ARHGEF1: variants seen among roughly 807,000 people sequenced by gnomAD.
The protein encoded by ARHGEF1 is 115 kDa guanine nucleotide exchange factor.
Under a neutral mutation model 119.7 loss-of-function variants are expected in ARHGEF1, and 40 were observed. The observed-to-expected ratio is 0.33, with a 90% CI of 0.26 to 0.44. The LOEUF is 0.44. Among genes scored for constraint, ARHGEF1 ranks in the 20% least tolerant of loss-of-function variants. The pLI, the probability that ARHGEF1 is intolerant of heterozygous loss-of-function variation, is 1.00. For missense variants in ARHGEF1, 976 were observed against 1,268.3 expected (o/e 0.77, Z 3.50); for synonymous variants, 494 against 521.0 (o/e 0.95, Z 0.71).
In ARHGEF1 at chr19:41,892,300, T is replaced by G; in HGVS notation, c.325-31T>G. On this transcript the variant is annotated intron_variant, in intron 5 of 28. Transcript: ENST00000354532. This position sits in a 1 kb window ranked among gnomAD's most constrained non-coding sequence, Gnocchi z 6.3. ...GCCTGCATCTCAGCACACCAAGTCC[T>G]CCTCTTCACCCCATTCTCTCTCTTG... The G allele has an allele frequency of 6.2e-7, 1 of 1,613,240 alleles. No homozygotes were observed. Among genetic ancestry groups the G allele is most frequent in the African/African-American group, 1.3e-5 (1 of 75,024 alleles).
At chr19:41,886,858 C>T (rs533637278) in intron 1 of ARHGEF1, among the ~76,000 whole-genome samples, 32 of 152,152 alleles carry the variant, frequency 2.1e-4, no homozygotes, top group Non-Finnish European at 4.0e-4. Context: ...TGTGGGGAGC[C>T]CCGCCGCTGG....
In ARHGEF1 at chr19:41,896,811, CTCCTCTCTCACCTCCCCCA is replaced by C. The variant is rs1183106707; in HGVS notation, c.1121+348_1121+366del. On this transcript the variant is annotated intron_variant, in intron 13 of 28. Transcript: ENST00000354532. ...TTCCCCCTCCTCTCTCACCTCCCCT[CTCCTCTCTCACCTCCCCCA>C]TCCTCTCTCACCTCCCCCCTCCTCT... The C allele has an allele frequency of 2.4e-3, 990 of 414,476 alleles. 35 individuals carry two copies. The highest frequency in any genetic ancestry group is 0.017 in the African/African-American group (538 of 32,436). 25.7% of individuals were successfully genotyped at this position (414,476 alleles called of 1,614,324 possible). A position where few individuals can be genotyped will look rare whatever the true frequency, so the allele number is the denominator to read the frequency against.
Position 41,893,375 on chromosome 19 carries a change from G to A in ARHGEF1, c.644+72G>A, listed in dbSNP as rs563479436. The A allele has an allele frequency of 2.9e-5, 38 of 1,332,904 alleles. No individual in the cohort carries two copies. In the Admixed American group the frequency reaches 6.6e-4, roughly 23 times the overall value. 82.6% of individuals were successfully genotyped at this position (1,332,904 alleles called of 1,614,324 possible). On this transcript the variant is annotated intron_variant, in intron 8 of 28. Coordinates refer to ENST00000354532, the MANE Select transcript of ARHGEF1 (RefSeq NM_004706.4). ...AGGGGGCTGAGGGCCTGGACTCCTG[G>A]GTCTGAGGGAGGAGGAGGCTGGGGG...
chr19:41,897,960 T>C, intron 13 of ARHGEF1: 4 of 1,314,370 alleles, frequency 3.0e-6, no homozygotes, highest in Non-Finnish European at 3.9e-6. Flanking sequence ...TCAGGGCGTC[T>C]GGGGCGCTCA....
chr19:41,908,488 C>G, downstream of ARHGEF1: 1 of 1,231,628 alleles, frequency 8.1e-7, no homozygotes, highest in Non-Finnish European at 1.0e-6. This position sits in a 1 kb window ranked among gnomAD's most constrained non-coding sequence, Gnocchi z 6.7. Context: ...GGGCCTCCCC[C>G]TGCCCCTGAC....
rs1251509117 is a variant in ARHGEF1, at chr19:41,905,418, T to G, written c.2336+157T>G. 8.9e-6 allele frequency: 6 copies of G among 674,180 alleles called. No homozygotes were observed. Among genetic ancestry groups the G allele is most frequent in the Non-Finnish European group, 1.0e-5 (4 of 400,724 alleles). The allele number at this position is 674,180 out of a possible 1,614,324, so 41.8% of individuals were successfully genotyped here. ...GTGTGTCTGTACGCAAGTATGTGAC[T>G]GTGCGTGCATATATAGTGTGTGTAT... On this transcript the variant is annotated intron_variant, in intron 24 of 28. Transcript: ENST00000354532. The surrounding 1 kb of genome is among the most constrained non-coding windows in gnomAD (Gnocchi z 6.4).
intron 14 of ARHGEF1, among the ~76,000 whole-genome samples, chr19:41,901,139 TTTTA>T (rs1184699395): frequency 2.0e-5 from 3 of 151,374 alleles, no homozygotes; most frequent in Admixed American, 6.6e-5. Flanking sequence ...GAGTTTTTTT[TTTTA>T]TTTGTTTGTT....
chr19:41,909,622 A>C (rs564907702), downstream of ARHGEF1, among the ~76,000 whole-genome samples: 1 of 152,290 alleles, frequency 6.6e-6, no homozygotes, highest in East Asian at 1.9e-4. The surrounding 1 kb of genome is among the most constrained non-coding windows in gnomAD (Gnocchi z 5.2). Context: ...AATAGGGATC[A>C]CAGGGCAAGG....
rs2074397544 is a variant in ARHGEF1 at position 41,892,748 on chromosome 19, G to A, written c.513G>A (p.Glu171=). The A allele has an allele frequency of 6.2e-7, 1 of 1,609,956 alleles. No individual in the cohort carries two copies. The highest frequency in any genetic ancestry group is 1.7e-4 in the Middle Eastern group (1 of 6,042). The change falls in exon 7 of 29, where the codon GAG becomes GAA. Residue 171 remains glutamate (E), a synonymous_variant. Transcript: ENST00000354532. The surrounding 1 kb of genome is among the most constrained non-coding windows in gnomAD (Gnocchi z 6.3). The part of the protein sequence containing the change: ...RLMGMTPWEQ[E]LAQLEAWVGR... Reference sequence around the variant, plus strand: ...TGGGCATGACGCCCTGGGAGCAGGAGCTGGCCCAGCTGGAGGCTTGGGTTG... The same window carrying A: ...TGGGCATGACGCCCTGGGAGCAGGAACTGGCCCAGCTGGAGGCTTGGGTTG...
intron 18 of ARHGEF1, among the ~76,000 whole-genome samples, chr19:41,915,330 C>A (rs536027755): frequency 5.9e-5 from 9 of 151,714 alleles, no homozygotes; most frequent in African/African-American, 2.2e-4. Flanking sequence ...GCCCAGCCTT[C>A]GTCCTGTGTC....
rs2074345888 is a variant in ARHGEF1, at chr19:41,889,663, C to G, written c.225+798C>G. On this transcript the variant is annotated intron_variant, in intron 4 of 28. Coordinates refer to ENST00000354532, the MANE Select transcript of ARHGEF1 (RefSeq NM_004706.4). The surrounding 1 kb of genome is among the most constrained non-coding windows in gnomAD (Gnocchi z 4.0). ...ATGCATAGTGGACCCCTCCAGAAAA[C>G]AAGGAAACCGATAGAGTGGGGAGAA... 1 of 152,290 alleles carries G rather than the reference C, an allele frequency of 6.6e-6. No homozygotes were observed. Among genetic ancestry groups the G allele is most frequent in the South Asian group, 2.1e-4 (1 of 4,830 alleles). The allele number at this position is 152,290 out of a possible 1,614,324, so 9.4% of individuals were successfully genotyped here.
At chr19:41,927,491 C>T (rs1277860126) in intron 1 of ARHGEF1, among the ~76,000 whole-genome samples, 1 of 152,120 alleles carries the variant, frequency 6.6e-6, no homozygotes, top group African/African-American at 2.4e-5. Context: ...TGCTGATCCC[C>T]AGTCCCAGAT....
chr19:41,892,754 C>A lies in ARHGEF1; in HGVS notation c.519C>A (p.Ala173=). 1 of 1,609,422 alleles carries A rather than the reference C, an allele frequency of 6.2e-7. No individual in the cohort carries two copies. Residue 173 remains alanine (A), a synonymous_variant, in exon 7 of 29, where the codon GCC becomes GCA. Transcript: ENST00000354532. This position sits in a 1 kb window ranked among gnomAD's most constrained non-coding sequence, Gnocchi z 6.3. ...MGMTPWEQEL[A]QLEAWVGRDR... ...TGACGCCCTGGGAGCAGGAGCTGGCCCAGCTGGAGGCTTGGGTTGGGCGGG... is the reference window on the plus strand; with the variant it reads ...TGACGCCCTGGGAGCAGGAGCTGGCACAGCTGGAGGCTTGGGTTGGGCGGG...
At chr19:41,884,566 C>T in intron 1 of ARHGEF1, 9 of 1,568,426 alleles carry the variant, frequency 5.7e-6, no homozygotes, top group Non-Finnish European at 7.8e-6. Flanking sequence ...TGGCCGTGCA[C>T]ACTGCCACGT....
At chr19:41,887,767 C>A (rs1555845456) in intron 1 of ARHGEF1, among the ~76,000 whole-genome samples, 1 of 152,198 alleles carries the variant, frequency 6.6e-6, no homozygotes, top group Non-Finnish European at 1.5e-5. Context: ...CCCCAGCCCC[C>A]TCTTCCATTA....
rs781851868 is a variant in ARHGEF1 at position 41,907,418 on chromosome 19, G to C, written c.*331G>C. The stretch of plus-strand genomic sequence containing the variant: ...CGCTCTGTTTTTATACCCTGAATTG[G>C]AGGTTTATTTTTTAATATATATTAT... On this transcript the variant is annotated 3_prime_UTR_variant, in exon 29 of 29. Coordinates refer to ENST00000354532, the MANE Select transcript of ARHGEF1 (RefSeq NM_004706.4). The C allele has an allele frequency of 6.5e-7, 1 of 1,531,210 alleles. No individual in the cohort carries two copies. The highest frequency in any genetic ancestry group is 1.2e-5 in the South Asian group (1 of 83,466). 94.9% of individuals were successfully genotyped at this position (1,531,210 alleles called of 1,614,324 possible).
upstream of ARHGEF1, among the ~76,000 whole-genome samples, chr19:41,921,270 G>A (rs2074840749): frequency 1.3e-5 from 2 of 152,176 alleles, no homozygotes; most frequent in Admixed American, 1.3e-4. The surrounding 1 kb of genome is among the most constrained non-coding windows in gnomAD (Gnocchi z 4.4). Flanking sequence ...CACAGAGAAG[G>A]GGAGACATGC....
At chr19:41,884,429 C>A in intron 1 of ARHGEF1, 1 of 1,601,856 alleles carries the variant, frequency 6.2e-7, no homozygotes. Context: ...GGGGAGAGTG[C>A]GGAGCCCGAG....
At chr19:41,885,379 G>C (rs1326672401) in intron 1 of ARHGEF1, among the ~76,000 whole-genome samples, 1 of 152,192 alleles carries the variant, frequency 6.6e-6, no homozygotes, top group Non-Finnish European at 1.5e-5. Context: ...TCAGAGCTTT[G>C]GTTCAGATTT....
Sources: allele counts gnomAD v4.1 joint callset (sites outside exome capture counted in the v4.1 genomes callset), GRCh38; gene constraint gnomAD v4.1.1; non-coding constraint Gnocchi (gnomAD v3.1); transcripts MANE v1.5; gene names NCBI Gene and HGNC (gene_info 2026-07-23, HGNC 2026-07-21).